SLC26A9: variants seen among roughly 807,000 people sequenced by gnomAD.
The protein encoded by SLC26A9 is anion transporter/exchanger protein 9.
In SLC26A9, 46 loss-of-function variants were observed where a neutral mutation model predicts 87.1. The observed-to-expected ratio is 0.53, with a 90% confidence interval of 0.42 to 0.67. The LOEUF (loss-of-function observed/expected upper bound fraction) is 0.67, where lower values mean the gene tolerates loss of function less well. Among genes scored for constraint, SLC26A9 ranks in the 30% least tolerant of loss-of-function variants. The pLI, the probability that SLC26A9 is intolerant of heterozygous loss-of-function variation, is 0.00. For synonymous variants in SLC26A9, 437 were observed against 409.1 expected (o/e 1.07, Z -0.82); for missense variants, 927 against 1,018.3 (o/e 0.91, Z 1.22).
Position 205,918,862 on chromosome 1 carries a change from G to A in SLC26A9, c.2234C>T (p.Thr745Ile). 6.2e-7 allele frequency: 1 copy of A among 1,614,062 alleles called. No homozygotes were observed. The highest frequency in any genetic ancestry group is 1.3e-5 in the African/African-American group (1 of 75,058). ...LFAQANARDV[T>I]PGHNFQGAPG... The stretch of plus-strand genomic sequence containing the variant: ...TACCCCTTGGAAGTTGTGTCCTGGG[G>A]TCACGTCTCTAGCATTTGCCTGGGC... The change falls in exon 19 of 21, where the codon ACC becomes ATC. Residue 745 changes from threonine (T) to isoleucine (I), a missense_variant. Thr to Ile is a moderately conservative substitution (Grantham distance 89, BLOSUM62 -1). Transcript: ENST00000367135.
At chr1:205,924,555 G>GAAA in intron 12 of SLC26A9, 66 bp from the exon 13 acceptor site, 2 of 1,466,518 alleles carry the variant, frequency 1.4e-6, no homozygotes, top group Non-Finnish European at 1.9e-6. Flanking sequence ...AAGTCTTCCT[G>GAAA]GATTAGCCAA....
rs1039425980 is a variant in SLC26A9, at chr1:205,914,717, C to T, written c.*640G>A. 1.7e-5 allele frequency: 13 copies of T among 746,806 alleles called. No homozygotes were observed. The highest frequency in any genetic ancestry group is 2.8e-5 in the Non-Finnish European group (13 of 468,122). The allele number at this position is 746,806 out of a possible 1,614,324, so 46.3% of individuals were successfully genotyped here. ...ACTGTCCAGGCTAGAGTCTGATGTG[C>T]TTGCTGACAGCAGTGGTGGTTTGGG... On this transcript the variant is annotated 3_prime_UTR_variant, in exon 21 of 21. Coordinates refer to ENST00000367135, the MANE Select transcript of SLC26A9 (RefSeq NM_052934.4).
At chr1:205,937,754 C>A (rs1286717551) in intron 1 of SLC26A9, among the ~76,000 whole-genome samples, 1 of 152,114 alleles carries the variant, frequency 6.6e-6, no homozygotes, top group Non-Finnish European at 1.5e-5. Flanking sequence ...TCTGGCTGTC[C>A]AGGTGGTTTG....
At chr1:205,917,141 G>T in intron 20 of SLC26A9, 142 bp downstream of exon 20, 12 of 592,752 alleles carry the variant, frequency 2.0e-5, no homozygotes, top group East Asian at 3.0e-5. Flanking sequence ...AAACAAAGAT[G>T]ACCACAAATC....
At chr1:205,927,638 T>C (rs1440548624) in intron 9 of SLC26A9, 33 bp from the exon 10 acceptor site, 1 of 1,593,996 alleles carries the variant, frequency 6.3e-7, no homozygotes. Context: ...GAAGCCAGTG[T>C]GGGGCTGGGG....
At chr1:205,929,155 G>A (rs754559248) in intron 7 of SLC26A9, 49 bp downstream of exon 7, 57 of 1,585,828 alleles carry the variant, frequency 3.6e-5, no homozygotes, top group Middle Eastern at 1.7e-4. Context: ...GGGCTTCCTC[G>A]TCTCACAGCC....
chr1:205,917,994 G>A (rs1235373781), intron 19 of SLC26A9, among the ~76,000 whole-genome samples: 4 of 152,208 alleles, frequency 2.6e-5, no homozygotes, highest in Non-Finnish European at 5.9e-5. Flanking sequence ...ATGGAGGGCA[G>A]GAGCCAGCGC....
rs1378342308 is a variant in SLC26A9 at position 205,924,386 on chromosome 1, T to G, written c.1493A>C (p.Gln498Pro). 6.2e-7 allele frequency: 1 copy of G among 1,614,028 alleles called. No homozygotes were observed. The highest frequency in any genetic ancestry group is 1.1e-5 in the South Asian group (1 of 91,082). ...GAGGGCGGAAGCTATCACTTACAAC[T>G]GAGTCTGGAAGACCACGACCAGGAC... is the stretch of plus-strand genomic sequence containing the variant. ...FSVLVVVFQT[Q>P]FRNGYALAQV... Residue 498 changes from glutamine to proline, a missense_variant, in exon 13 of 21, where the codon CAG becomes CCG. Physicochemically the swap from Gln to Pro is moderately conservative, Grantham distance 76 (BLOSUM62 -1). Transcript: ENST00000367135.
intron 8 of SLC26A9, 139 bp downstream of exon 8, chr1:205,928,688 A>T: frequency 1.3e-6 from 1 of 765,254 alleles, no homozygotes; most frequent in Non-Finnish European, 2.1e-6. Context: ...AAACGGTAAT[A>T]GTAATAATTC....
rs1659358534 is a variant in SLC26A9, at chr1:205,932,792, C to T, written c.286G>A (p.Ala96Thr). The change falls in exon 4 of 21, where the codon GCC becomes ACC. Residue 96 changes from alanine to threonine, a missense_variant. Physicochemically the swap from Ala to Thr is moderately conservative, Grantham distance 58. Coordinates refer to ENST00000367135, the MANE Select transcript of SLC26A9 (RefSeq NM_052934.4). Reference sequence around the variant, plus strand: ...AGGCCATTGACTGCAGGAAGGTTGGCCAGCAGAGCAAATGCCATGCCTGCA... The same window carrying T: ...AGGCCATTGACTGCAGGAAGGTTGGTCAGCAGAGCAAATGCCATGCCTGCA... ...VPQGMAFALLANLPAVNGLYS... is the reference protein window; with the variant it reads ...VPQGMAFALLTNLPAVNGLYS... The T allele has an allele frequency of 6.3e-7, 1 of 1,597,450 alleles. No homozygotes were observed. The highest frequency in any genetic ancestry group is 8.5e-7 in the Non-Finnish European group (1 of 1,172,172).
intron 19 of SLC26A9, among the ~76,000 whole-genome samples, chr1:205,918,616 A>G (rs1390521602): frequency 6.6e-6 from 1 of 152,264 alleles, no homozygotes; most frequent in Non-Finnish European, 1.5e-5. Flanking sequence ...CAAAAGATGT[A>G]ATTATCATTT....
chr1:205,928,204 C>G (rs1659161527), intron 8 of SLC26A9, 155 bp from the exon 9 acceptor site: 1 of 857,150 alleles, frequency 1.2e-6, no homozygotes. Context: ...AGCACCACCC[C>G]ATAGGGTAGG....
intron 17 of SLC26A9, 104 bp from the exon 18 acceptor site, chr1:205,920,334 A>G (rs73082379): frequency 7.4e-7 from 1 of 1,355,028 alleles, no homozygotes; most frequent in African/African-American, 1.4e-5. Context: ...CAAACAAATA[A>G]GCAACCCTGA....
chr1:205,917,673 T>C (rs1156479720), intron 19 of SLC26A9, among the ~76,000 whole-genome samples: 2 of 152,162 alleles, frequency 1.3e-5, no homozygotes, highest in African/African-American at 4.8e-5. Flanking sequence ...GGAATATATT[T>C]TCTAATCTGT....
Position 205,929,368 on chromosome 1 carries a change from A to T in SLC26A9, c.718-12T>A. 1 of 1,612,930 alleles carries T rather than the reference A, an allele frequency of 6.2e-7. No individual in the cohort carries two copies. Among genetic ancestry groups the T allele is most frequent in the Non-Finnish European group, 8.5e-7 (1 of 1,179,142 alleles). On this transcript the variant is annotated splice_polypyrimidine_tract_variant and intron_variant, in intron 6 of 20. Coordinates refer to ENST00000367135, the MANE Select transcript of SLC26A9 (RefSeq NM_052934.4). ...ATGTCAATGAAGGTCTGGGGGAAAG[A>T]GCATCATGCTCACAGGCTCCCACCC...
chr1:205,936,081 C>T (rs754476268), intron 1 of SLC26A9, among the ~76,000 whole-genome samples: 6 of 152,212 alleles, frequency 3.9e-5, no homozygotes, highest in African/African-American at 7.2e-5. Context: ...GCGCTCAGCA[C>T]GTGGCTGGCA....
intron 15 of SLC26A9, 31 bp from the exon 16 acceptor site, chr1:205,923,226 C>T (rs370960056): frequency 7.4e-6 from 12 of 1,612,292 alleles, no homozygotes; most frequent in Middle Eastern, 1.6e-4. Context: ...GCAATCTTGA[C>T]CTCCACCCTC....
intron 20 of SLC26A9, 143 bp from the exon 21 acceptor site, chr1:205,915,547 TGCGAGA>T (rs375001233): frequency 8.5e-5 from 78 of 923,032 alleles, no homozygotes; most frequent in South Asian, 2.8e-4. Flanking sequence ...TGTGTGTGTG[TGCGAGA>T]GTGTGTGTGA....
At position 205,914,114 on chromosome 1, in the gene SLC26A9, A is replaced by G. The variant is rs1457999207; in HGVS notation, c.*1243T>C. ...TATGGAAAACTTAACCCCTATTTTC[A>G]TCTTCATAGGAGAAGATGGCCTGAG... is the stretch of plus-strand genomic sequence containing the variant. On this transcript the variant is annotated 3_prime_UTR_variant, in exon 21 of 21. Transcript: ENST00000367135. 6.6e-6 allele frequency: 1 copy of G among 152,250 alleles called. No homozygotes were observed. Among genetic ancestry groups the G allele is most frequent in the Non-Finnish European group, 1.5e-5 (1 of 68,030 alleles). 9.4% of individuals were successfully genotyped at this position (152,250 alleles called of 1,614,324 possible). A position where few individuals can be genotyped will look rare whatever the true frequency, so the allele number is the denominator to read the frequency against.
Sources: gnomAD v4.1 joint callset for allele counts (sites outside exome capture counted in the v4.1 genomes callset) on GRCh38, gnomAD v4.1.1 for gene constraint, MANE v1.5 for transcripts, NCBI Gene and HGNC (gene_info 2026-07-23, HGNC 2026-07-21) for gene names.